The following RBBP8NL variants were observed in gnomAD, a reference collection of about 807,000 sequenced individuals.
RBBP8NL encodes RBBP8 N-terminal-like protein.
RBBP8NL carries 59 observed loss-of-function variants against 62.2 expected under a neutral mutation model. The ratio of observed to expected loss-of-function variants is 0.95; its 90% CI spans 0.77 to 1.18. RBBP8NL has a LOEUF of 1.18. Among genes scored for constraint, RBBP8NL ranks in the 50% most tolerant of loss-of-function variants. The probability of loss-of-function intolerance (pLI) is 0.00; values close to 1 mark genes in which losing one functional copy is unlikely to be tolerated. For synonymous variants in RBBP8NL, 412 were observed against 394.1 expected (o/e 1.05, Z -0.54); for missense variants, 896 against 899.5 (o/e 1.00, Z 0.05).
At chr20:62,417,512 C>G (rs1449442118) in intron 3 of RBBP8NL, among the ~76,000 whole-genome samples, 193 bp from the exon 4 acceptor site, 2 of 88,420 alleles carry the variant, frequency 2.3e-5, no homozygotes, top group Admixed American at 2.2e-4. Flanking sequence ...CGCAGCCCCC[C>G]CAGTCATCTG....
chr20:62,426,892 T>C (rs987295997), intron 1 of RBBP8NL, among the ~76,000 whole-genome samples: 2 of 152,050 alleles, frequency 1.3e-5, no homozygotes, highest in Non-Finnish European at 2.9e-5. Flanking sequence ...CTCCCGGAGG[T>C]GGAGGTGGGC....
chr20:62,426,889 A>G (rs1324196850), intron 1 of RBBP8NL, among the ~76,000 whole-genome samples: 2 of 152,160 alleles, frequency 1.3e-5, no homozygotes, highest in Admixed American at 1.3e-4. Context: ...TCCCTCCCGG[A>G]GGTGGAGGTG....
chr20:62,413,749 G>T (rs557170628), intron 10 of RBBP8NL, 72 bp downstream of exon 10: 19 of 1,501,032 alleles, frequency 1.3e-5, no homozygotes, highest in South Asian at 2.7e-5. Context: ...CCCGAGGTCT[G>T]GGGGGAGGCC....
chr20:62,411,912 C>T (rs1005854136), intron 13 of RBBP8NL, among the ~76,000 whole-genome samples: 9 of 152,272 alleles, frequency 5.9e-5, no homozygotes, highest in African/African-American at 9.6e-5. Flanking sequence ...GGCACCACCC[C>T]GCCTGCTGCC....
intron 7 of RBBP8NL, 41 bp downstream of exon 7, chr20:62,415,747 C>A (rs371125020): frequency 6.2e-7 from 1 of 1,609,366 alleles, no homozygotes; most frequent in Admixed American, 1.7e-5. Context: ...CCTGGTCCTG[C>A]GGGGGCCCAG....
chr20:62,415,325 CGTGGCCTCTGCT>C (rs1569024489), intron 8 of RBBP8NL, 38 bp from the exon 9 acceptor site: 18 of 1,538,508 alleles, frequency 1.2e-5, no homozygotes, highest in South Asian at 3.6e-5. Context: ...CGGGGGCATG[CGTGGCCTCTGCT>C]GTGGCCTCTG....
At chr20:62,416,687 C>A in intron 5 of RBBP8NL, 73 bp downstream of exon 5, 1 of 1,040,928 alleles carries the variant, frequency 9.6e-7, no homozygotes, top group Non-Finnish European at 1.5e-6. Flanking sequence ...CATGCCCCTA[C>A]ATGGGCTGAA....
chr20:62,421,629 T>C (rs1416824182), intron 1 of RBBP8NL, among the ~76,000 whole-genome samples: 2 of 149,556 alleles, frequency 1.3e-5, no homozygotes, highest in South Asian at 4.2e-4. Flanking sequence ...GCAGTGTGCA[T>C]GTGTGTGTGC....
At chr20:62,415,417 C>T in intron 8 of RBBP8NL, 130 bp from the exon 9 acceptor site, 2 of 1,376,338 alleles carry the variant, frequency 1.5e-6, no homozygotes, top group South Asian at 1.3e-5. Context: ...TGCACCCCCA[C>T]CCACGCCAAA....
intron 1 of RBBP8NL, among the ~76,000 whole-genome samples, chr20:62,424,695 C>A (rs1988770985): frequency 6.6e-6 from 1 of 152,174 alleles, no homozygotes; most frequent in Non-Finnish European, 1.5e-5. Flanking sequence ...AATGGACATG[C>A]ACTGTGGGCC....
intron 11 of RBBP8NL, 115 bp downstream of exon 11, chr20:62,413,286 G>T: frequency 2.4e-6 from 3 of 1,262,810 alleles, no homozygotes; most frequent in Non-Finnish European, 2.1e-6. Context: ...CGTCAGATCG[G>T]CAGGGCAGAG....
chr20:62,411,733 C>T lies in RBBP8NL; in HGVS notation c.1877-737G>A, dbSNP rs565595656. Among the ~76,000 whole-genome samples the T allele has an allele frequency of 3.9e-5, 6 of 152,368 alleles. No homozygotes were observed. In the East Asian group the frequency reaches 7.7e-4, roughly 20 times the overall value. ...GAGCCCCTGCCAGCGTCCCTGGTCC[C>T]GGCTCAGGTAGGAGCACAAGGGTGT... is the stretch of plus-strand genomic sequence containing the variant. On this transcript the variant is annotated intron_variant, in intron 13 of 13. Transcript: ENST00000252998.
intron 3 of RBBP8NL, 58 bp downstream of exon 3, chr20:62,418,365 G>C: frequency 6.8e-7 from 1 of 1,467,950 alleles, no homozygotes; most frequent in South Asian, 1.2e-5. Context: ...GGGGCTTCAG[G>C]GGGATGAAGT....
chr20:62,416,294 T>TGGGGTGGGGGGGGGGGGG, intron 5 of RBBP8NL, 58 bp from the exon 6 acceptor site: 7 of 515,284 alleles, frequency 1.4e-5, no homozygotes, highest in East Asian at 4.7e-5. Flanking sequence ...GGGGCAGGGG[T>TGGGGTGGGGGGGGGGGGG]GGGGTCGTCA....
At chr20:62,416,912 G>C in intron 4 of RBBP8NL, 40 bp from the exon 5 acceptor site, 1 of 1,445,446 alleles carries the variant, frequency 6.9e-7, no homozygotes, top group Non-Finnish European at 9.4e-7. Context: ...GGGATGGCAC[G>C]GAAGCCACAG....
At chr20:62,416,650 G>T in intron 5 of RBBP8NL, 110 bp downstream of exon 5, 1 of 720,930 alleles carries the variant, frequency 1.4e-6, no homozygotes, top group Non-Finnish European at 2.4e-6. Flanking sequence ...CCAGTGGTGT[G>T]GGGCCGATCG....
rs373863951 is a variant in RBBP8NL, at chr20:62,412,658, C to T, written c.1842G>A (p.Arg614=). The change falls in exon 13 of 14, where the codon CGG becomes CGA. Residue 614 remains arginine (R), a synonymous_variant. Transcript: ENST00000252998. ...CAGGCTCCGAGGCCCGCTTCCTCTT[C>T]CGTGGTGGACCCTGCCCGTGCTCCT... ...CTQEHGQGPP[R]KRKRASEPGD... is the part of the protein sequence containing the mutation. The T allele has an allele frequency of 3.1e-5, 50 of 1,607,338 alleles. No individual in the cohort carries two copies. The highest frequency in any genetic ancestry group is 4.2e-5 in the Non-Finnish European group (49 of 1,179,934).
chr20:62,412,447 G>A (rs1350240808), intron 13 of RBBP8NL, among the ~76,000 whole-genome samples, 177 bp downstream of exon 13: 17 of 152,200 alleles, frequency 1.1e-4, no homozygotes, highest in African/African-American at 7.2e-5. Context: ...GACTCACTCC[G>A]GCCACCCTCG....
chr20:62,421,247 G>T (rs1476432799), intron 1 of RBBP8NL, among the ~76,000 whole-genome samples: 1 of 152,102 alleles, frequency 6.6e-6, no homozygotes, highest in Non-Finnish European at 1.5e-5. Context: ...CCGAGCCAGT[G>T]TGCATGTGTG....
Sources: allele counts gnomAD v4.1 joint callset (sites outside exome capture counted in the v4.1 genomes callset), GRCh38; gene constraint gnomAD v4.1.1; transcripts MANE v1.5; gene names NCBI Gene and HGNC (gene_info 2026-07-23, HGNC 2026-07-21).